Variants in FARP1 observed in about 807,000 individuals in gnomAD.
FARP1 encodes the protein FERM, ARH/RhoGEF and pleckstrin domain protein 1, also known as FERM, ARHGEF and pleckstrin domain-containing protein 1.
A neutral mutation model predicts 128.8 loss-of-function variants in FARP1; 52 were observed. The observed-to-expected ratio is 0.40, with a 90% confidence interval of 0.32 to 0.51. FARP1 has a LOEUF of 0.51. Ranked by LOEUF, FARP1 falls within the 20% of genes least tolerant of loss-of-function variation. FARP1 has a pLI of 0.45. For synonymous variants in FARP1, 580 were observed against 551.8 expected (o/e 1.05, Z -0.72); for missense variants, 1,333 against 1,367.9 (o/e 0.97, Z 0.40).
chr13:98,256,986 T>TTC (rs1883647530), intron 2 of FARP1, among the ~76,000 whole-genome samples: 1 of 124,928 alleles, frequency 8.0e-6, no homozygotes, highest in Non-Finnish European at 1.7e-5. Context: ...TATATATATA[T>TTC]ATATACCGAA....
rs1295100387 is a variant in FARP1, at chr13:98,451,503, T to C, written c.*3186T>C. On this transcript the variant is annotated 3_prime_UTR_variant, in exon 27 of 27. Coordinates refer to ENST00000319562, the MANE Select transcript of FARP1 (RefSeq NM_005766.4). The stretch of plus-strand genomic sequence containing the variant: ...ATCCACTTCTAATAAAATACCTCAA[T>C]TTTAGAGCTTAAAAACCAGACTGCA... 6.6e-6 allele frequency: 1 copy of C among 152,154 alleles called. No individual in the cohort carries two copies. The allele number at this position is 152,154 out of a possible 1,614,324, so 9.4% of individuals were successfully genotyped here.
Position 98,231,276 on chromosome 13 carries a change from T to G in FARP1, c.171+17863T>G, listed in dbSNP as rs145926329. ...GGACACAGAAAATAAATTCTTAAGC[T>G]CTGGAGCTAGGGAGAACAGAGGATG... On this transcript the variant is annotated intron_variant, in intron 2 of 26. Transcript: ENST00000319562. Among the ~76,000 whole-genome samples, 86 of 151,646 alleles carry G rather than the reference T, an allele frequency of 5.7e-4. No individual in the cohort carries two copies. In the East Asian group the frequency reaches 0.016, roughly 28 times the overall value.
chr13:98,361,710 A>G (rs900664980), intron 3 of FARP1, among the ~76,000 whole-genome samples: 1 of 152,184 alleles, frequency 6.6e-6, no homozygotes, highest in Non-Finnish European at 1.5e-5. Flanking sequence ...CCTAACACAG[A>G]AAGGTGAACC....
chr13:98,328,524 CCTT>C (rs1212297887), intron 2 of FARP1: 4 of 152,222 alleles, frequency 2.6e-5, no homozygotes, highest in Non-Finnish European at 4.4e-5. Context: ...ATTTCTTTTT[CCTT>C]CTTCACAGTT....
intron 16 of FARP1, among the ~76,000 whole-genome samples, chr13:98,418,522 G>T (rs1395722263): frequency 6.6e-6 from 1 of 152,170 alleles, no homozygotes; most frequent in African/African-American, 2.4e-5. Context: ...TGATCCACCC[G>T]CCTTGGCCTC....
At chr13:98,440,953 C>T (rs1892499204) in intron 24 of FARP1, 117 bp downstream of exon 24, 21 of 1,017,800 alleles carry the variant, frequency 2.1e-5, no homozygotes, top group Middle Eastern at 3.0e-4. Flanking sequence ...CCCACCTACC[C>T]GCGGTGGCTG....
Position 98,453,409 on chromosome 13 carries a change from T to C in FARP1, c.*5092T>C, listed in dbSNP as rs1893294164. 1.7e-6 allele frequency: 1 copy of C among 583,790 alleles called. No homozygotes were observed. Among genetic ancestry groups the C allele is most frequent in the Non-Finnish European group, 2.9e-6 (1 of 342,316 alleles). The allele number at this position is 583,790 out of a possible 1,614,324, so 36.2% of individuals were successfully genotyped here. A position where few individuals can be genotyped will look rare whatever the true frequency, so the allele number is the denominator to read the frequency against. ...AAGATCATGATTCTTACACAAAAAC[T>C]CCAGAGCATGTCACCAAAAACCAAG... On this transcript the variant is annotated 3_prime_UTR_variant, in exon 27 of 27. Coordinates refer to ENST00000319562, the MANE Select transcript of FARP1 (RefSeq NM_005766.4).
intron 2 of FARP1, among the ~76,000 whole-genome samples, chr13:98,283,594 TC>T (rs1308063705): frequency 2.0e-5 from 3 of 152,200 alleles, no homozygotes; most frequent in Non-Finnish European, 4.4e-5. Context: ...TAATAAACCT[TC>T]CGATTTTATC....
intron 12 of FARP1, among the ~76,000 whole-genome samples, chr13:98,394,657 G>A (rs1198188244): frequency 3.9e-5 from 6 of 152,192 alleles, no homozygotes; most frequent in African/African-American, 7.2e-5. Context: ...AAAATTAGCC[G>A]GGTGTGGTGG....
At chr13:98,386,515 T>C (rs651466) in intron 8 of FARP1, among the ~76,000 whole-genome samples, 34,929 of 152,122 alleles carry the variant, frequency 0.23, 4,421 homozygotes, top group African/African-American at 0.34. Context: ...TGCACACACT[T>C]GAAGTGCATA....
intron 2 of FARP1, among the ~76,000 whole-genome samples, chr13:98,293,224 G>T (rs1330461292): frequency 6.6e-6 from 1 of 152,160 alleles, no homozygotes; most frequent in African/African-American, 2.4e-5. Context: ...GCAAAGGATG[G>T]TTATCATGCT....
chr13:98,229,521 C>T (rs1440311129), intron 2 of FARP1, among the ~76,000 whole-genome samples: 2 of 149,654 alleles, frequency 1.3e-5, no homozygotes, highest in Non-Finnish European at 1.5e-5. Context: ...TTTTTGGAGA[C>T]AGGGTCTCTC....
At chr13:98,292,722 CATT>C (rs1268474350) in intron 2 of FARP1, among the ~76,000 whole-genome samples, 7 of 152,036 alleles carry the variant, frequency 4.6e-5, no homozygotes, top group South Asian at 2.1e-4. Flanking sequence ...ACATGTCACT[CATT>C]GTTGTCCAGC....
chr13:98,356,621 T>TTTTA (rs141310849), intron 3 of FARP1, among the ~76,000 whole-genome samples: 37,470 of 144,140 alleles, frequency 0.26, 5,227 homozygotes, highest in Non-Finnish European at 0.31. Flanking sequence ...CCTTTTAAAA[T>TTTTA]TTTATTTATT....
intron 3 of FARP1, among the ~76,000 whole-genome samples, chr13:98,358,282 A>C (rs1888722151): frequency 6.6e-6 from 1 of 151,968 alleles, no homozygotes; most frequent in African/African-American, 2.4e-5. Flanking sequence ...CCTACACCAG[A>C]GCCTGGAAAC....
intron 6 of FARP1, among the ~76,000 whole-genome samples, chr13:98,382,862 GCTGT>G (rs1266568197): frequency 3.3e-5 from 5 of 151,940 alleles, no homozygotes; most frequent in Non-Finnish European, 7.4e-5. Flanking sequence ...GTGCTGAAGC[GCTGT>G]CTGTCTTGTG....
rs1287814092 is a variant in FARP1, at chr13:98,453,041, G to A, written c.*4724G>A. 18 of 963,050 alleles carry A rather than the reference G, an allele frequency of 1.9e-5. No homozygotes were observed. Among genetic ancestry groups the A allele is most frequent in the Admixed American group, 2.3e-5 (1 of 43,110 alleles). 59.7% of individuals were successfully genotyped at this position (963,050 alleles called of 1,614,324 possible). Reference sequence around the variant, plus strand: ...AGACTGTGTGTGTCCCTGGACGGGCGCCTGGCGCTGGGGTGGCTCCCAGTG... The same window carrying A: ...AGACTGTGTGTGTCCCTGGACGGGCACCTGGCGCTGGGGTGGCTCCCAGTG... On this transcript the variant is annotated 3_prime_UTR_variant, in exon 27 of 27. Transcript: ENST00000319562.
At chr13:98,199,203 A>G (rs781007957) in intron 1 of FARP1, among the ~76,000 whole-genome samples, 8 of 151,836 alleles carry the variant, frequency 5.3e-5, no homozygotes, top group Non-Finnish European at 1.0e-4. Context: ...ATCTGCCATC[A>G]CTGCTATTTA....
At chr13:98,428,528 C>G (rs2139033818) in intron 17 of FARP1, among the ~76,000 whole-genome samples, 1 of 152,304 alleles carries the variant, frequency 6.6e-6, no homozygotes, top group East Asian at 1.9e-4. Flanking sequence ...AGTCACTGTT[C>G]ATACAACACA....
Sources: gnomAD v4.1 joint callset for allele counts (sites outside exome capture counted in the v4.1 genomes callset) on GRCh38, gnomAD v4.1.1 for gene constraint, MANE v1.5 for transcripts, NCBI Gene and HGNC (gene_info 2026-07-23, HGNC 2026-07-21) for gene names.